The following PIK3R3 variants were observed in gnomAD, a reference collection of about 807,000 sequenced individuals.
PIK3R3 encodes phosphoinositide-3-kinase regulatory subunit 3.
Under a neutral mutation model 62.9 loss-of-function variants are expected in PIK3R3, and 64 were observed. The observed-to-expected ratio is 1.02, with a 90% CI of 0.83 to 1.25. PIK3R3 has a LOEUF of 1.25. PIK3R3 is among the 50% of genes most tolerant of loss of function. PIK3R3 has a pLI of 0.00. For missense variants in PIK3R3, 614 were observed against 561.6 expected, an observed-to-expected ratio of 1.09 and a Z score of -0.94; for synonymous variants, 165 against 189.0, an observed-to-expected ratio of 0.87 and a Z score of 1.04.
chr1:46,067,150 G>A, intron 3 of PIK3R3, 59 bp from the exon 4 acceptor site: 2 of 1,280,862 alleles, frequency 1.6e-6, no homozygotes, highest in East Asian at 2.5e-5. Flanking sequence ...CTGAACTACT[G>A]CTTTCATATG....
the PIK3R3 span, among the ~76,000 whole-genome samples, chr1:46,159,088 A>AAAATAAGTAAAT: frequency 2.0e-5 from 3 of 148,392 alleles, no homozygotes; most frequent in African/African-American, 7.5e-5. Context: ...CTCCATCTCA[A>AAAATAAGTAAAT]AAATAAATAA....
Position 46,132,625 on chromosome 1 carries a change from T to C in PIK3R3, c.-673A>G. Reference sequence around the variant, plus strand: ...GACCGCACCAACTGCCCTCAAGCTCTGCCCGGACTCCAGCCACTAGAGTTT... The same window carrying C: ...GACCGCACCAACTGCCCTCAAGCTCCGCCCGGACTCCAGCCACTAGAGTTT... On this transcript the variant is annotated 5_prime_UTR_variant, in exon 1 of 10. Coordinates refer to ENST00000262741, the MANE Select transcript of PIK3R3 (RefSeq NM_003629.4). 1 of 1,289,686 alleles carries C rather than the reference T, an allele frequency of 7.8e-7. No individual in the cohort carries two copies. Among genetic ancestry groups the C allele is most frequent in the Non-Finnish European group, 1.0e-6 (1 of 988,796 alleles). The allele number at this position is 1,289,686 out of a possible 1,614,324, so 79.9% of individuals were successfully genotyped here.
intron 1 of PIK3R3, among the ~76,000 whole-genome samples, chr1:46,090,375 A>G (rs1032560917): frequency 1.3e-5 from 2 of 152,018 alleles, no homozygotes; most frequent in Non-Finnish European, 2.9e-5. Flanking sequence ...TCTATTGCTC[A>G]GGATGGAGTG....
Position 46,046,537 on chromosome 1 carries a change from T to TAG in PIK3R3, c.1016+12_1016+13dup, listed in dbSNP as rs1647122035. On this transcript the variant is annotated intron_variant, in intron 8 of 9. Transcript: ENST00000262741. ...AACAAAGCCCTCTGACAGAAAGGTA[T>TAG]AGAGAGAACTTACTCATCAGCATCC... 6.4e-7 allele frequency: 1 copy of TAG among 1,558,006 alleles called. No individual in the cohort carries two copies. Among genetic ancestry groups the TAG allele is most frequent in the African/African-American group, 1.4e-5 (1 of 73,852 alleles).
At chr1:46,094,121 A>T (rs973294147) in intron 1 of PIK3R3, among the ~76,000 whole-genome samples, 3 of 152,022 alleles carry the variant, frequency 2.0e-5, no homozygotes, top group Admixed American at 1.3e-4. Flanking sequence ...CACAAAACAA[A>T]CCTAAAATAT....
the PIK3R3 span, among the ~76,000 whole-genome samples, chr1:46,162,451 A>G: frequency 6.6e-6 from 1 of 152,170 alleles, no homozygotes; most frequent in Non-Finnish European, 1.5e-5. Context: ...AGCCTGGGTG[A>G]CAGAGTGAGA....
the PIK3R3 span, among the ~76,000 whole-genome samples, chr1:46,156,576 C>A: frequency 2.0e-5 from 3 of 152,106 alleles, no homozygotes; most frequent in Admixed American, 2.0e-4. Context: ...GCTAATACCC[C>A]ATGCACTTGT....
At chr1:46,141,505 A>C in the PIK3R3 span, among the ~76,000 whole-genome samples, 1 of 151,896 alleles carries the variant, frequency 6.6e-6, no homozygotes, top group South Asian at 2.1e-4. Context: ...TCCTGACCTC[A>C]GGGGATCCAC....
At chr1:46,074,421 C>T (rs560228126) in intron 3 of PIK3R3, among the ~76,000 whole-genome samples, 31 of 150,504 alleles carry the variant, frequency 2.1e-4, no homozygotes, top group Non-Finnish European at 3.8e-4. Flanking sequence ...CAGATTTCTC[C>T]TTGTATAAAT....
chr1:46,076,589 TA>T (rs1650087201), intron 3 of PIK3R3, among the ~76,000 whole-genome samples: 1 of 152,170 alleles, frequency 6.6e-6, no homozygotes, highest in South Asian at 2.1e-4. Flanking sequence ...TACCAGAAAC[TA>T]AAATAGTGCC....
At chr1:46,109,520 G>A (rs1653538819) in intron 1 of PIK3R3, among the ~76,000 whole-genome samples, 1 of 151,862 alleles carries the variant, frequency 6.6e-6, no homozygotes, top group African/African-American at 2.4e-5. Context: ...GTCTCCGCCT[G>A]TTGCCCAGGC....
the PIK3R3 span, among the ~76,000 whole-genome samples, chr1:46,160,985 T>C: frequency 6.6e-6 from 1 of 152,258 alleles, no homozygotes; most frequent in Non-Finnish European, 1.5e-5. Context: ...GATAGTCTGA[T>C]CAGTAGAGGA....
At chr1:46,101,898 G>C (rs1396278092) in intron 1 of PIK3R3, among the ~76,000 whole-genome samples, 1 of 147,326 alleles carries the variant, frequency 6.8e-6, no homozygotes, top group Non-Finnish European at 1.5e-5. Flanking sequence ...ACTTCAAACA[G>C]TTAAAATGAA....
chr1:46,112,265 T>A (rs1047144107), intron 1 of PIK3R3, among the ~76,000 whole-genome samples: 2 of 152,212 alleles, frequency 1.3e-5, no homozygotes, highest in Non-Finnish European at 2.9e-5. Context: ...CAGACATCCC[T>A]CCAGGTAAAT....
At chr1:46,137,980 C>A (rs748845190), upstream of PIK3R3, among the ~76,000 whole-genome samples, 52 of 152,236 alleles carry the variant, frequency 3.4e-4, no homozygotes, top group Non-Finnish European at 6.3e-4. Context: ...AGACAATGAC[C>A]TTTCCCTCCC....
chr1:46,082,468 TG>T (rs747746611), intron 1 of PIK3R3, among the ~76,000 whole-genome samples: 1 of 152,188 alleles, frequency 6.6e-6, no homozygotes, highest in Admixed American at 6.5e-5. Context: ...ACTGCGACAA[TG>T]GGCAAAACTT....
At chr1:46,128,515 A>G (rs1655287620) in intron 1 of PIK3R3, among the ~76,000 whole-genome samples, 1 of 152,230 alleles carries the variant, frequency 6.6e-6, no homozygotes, top group Non-Finnish European at 1.5e-5. Context: ...ACAAATGTCT[A>G]ATTCAAAAGT....
chr1:46,118,216 AAGTG>A (rs1317067148), intron 1 of PIK3R3, among the ~76,000 whole-genome samples: 1 of 152,234 alleles, frequency 6.6e-6, no homozygotes, highest in South Asian at 2.1e-4. Flanking sequence ...TTAGAAAATA[AAGTG>A]AGTAAGTCAG....
In PIK3R3 at chr1:46,044,035, GA is replaced by G. The variant is rs1647048819; in HGVS notation, c.1188-165del. On this transcript the variant is annotated intron_variant, in intron 9 of 9. Transcript: ENST00000262741. The surrounding 1 kb of genome is among the most constrained non-coding windows in gnomAD (Gnocchi z 4.2). ...CCCATTCCCTACAGACTTGGCCACAGATACGGGTGTTAAAACAACCACAAAT... is the reference window on the plus strand; with the variant it reads ...CCCATTCCCTACAGACTTGGCCACAGTACGGGTGTTAAAACAACCACAAAT... 1.3e-5 allele frequency among the ~76,000 whole-genome samples: 2 copies of G among 152,028 alleles called. No individual in the cohort carries two copies. Among genetic ancestry groups the G allele is most frequent in the Non-Finnish European group, 2.9e-5 (2 of 67,996 alleles).
Sources: gnomAD v4.1 joint callset for allele counts (sites outside exome capture counted in the v4.1 genomes callset) on GRCh38, gnomAD v4.1.1 for gene constraint, Gnocchi (gnomAD v3.1) non-coding constraint, MANE v1.5 for transcripts, NCBI Gene and HGNC (gene_info 2026-07-23, HGNC 2026-07-21) for gene names.